CPA6: variants seen among roughly 807,000 people sequenced by gnomAD.
CPA6 encodes carboxypeptidase A6.
In CPA6, 58 loss-of-function variants were observed where a neutral mutation model predicts 63.3. That is an observed-to-expected ratio of 0.92 (90% CI 0.74 to 1.14). The LOEUF is 1.14. Among genes scored for constraint, CPA6 ranks in the 50% most tolerant of loss-of-function variants. The probability of loss-of-function intolerance (pLI) is 0.00; values close to 1 mark genes in which losing one functional copy is unlikely to be tolerated. For synonymous variants in CPA6, 185 were observed against 179.0 expected, an observed-to-expected ratio of 1.03 and a Z score of -0.27; for missense variants, 565 against 526.6, an observed-to-expected ratio of 1.07 and a Z score of -0.71.
chr8:67,623,650 C>T (rs747473365), intron 2 of CPA6, among the ~76,000 whole-genome samples: 1 of 152,064 alleles, frequency 6.6e-6, no homozygotes, highest in Non-Finnish European at 1.5e-5. Flanking sequence ...CCCAGGCTGG[C>T]CTTGAACTCC....
chr8:67,485,020 C>G (rs1330088766), intron 6 of CPA6, among the ~76,000 whole-genome samples: 1 of 152,196 alleles, frequency 6.6e-6, no homozygotes, highest in African/African-American at 2.4e-5. Context: ...ATCAGTTGGG[C>G]AGCCTCTTAA....
chr8:67,628,265 T>C (rs1815239031), intron 1 of CPA6, among the ~76,000 whole-genome samples: 2 of 152,114 alleles, frequency 1.3e-5, no homozygotes, highest in Admixed American at 1.3e-4. Context: ...ACCTCCCATA[T>C]TGATTGCCAT....
At chr8:67,494,181 A>T (rs1439839399) in intron 6 of CPA6, among the ~76,000 whole-genome samples, 1 of 152,128 alleles carries the variant, frequency 6.6e-6, no homozygotes, top group Non-Finnish European at 1.5e-5. Flanking sequence ...GATTTTGCAA[A>T]ATTGAATTAT....
intron 6 of CPA6, among the ~76,000 whole-genome samples, chr8:67,500,005 A>T (rs563115372): frequency 2.6e-5 from 4 of 152,280 alleles, no homozygotes; most frequent in African/African-American, 9.6e-5. Flanking sequence ...TCTCTGGGAT[A>T]AATGCCAGGA....
intron 5 of CPA6, among the ~76,000 whole-genome samples, chr8:67,509,024 G>A (rs1411836967): frequency 2.6e-5 from 4 of 152,126 alleles, no homozygotes; most frequent in Non-Finnish European, 5.9e-5. Flanking sequence ...AGCTTACATG[G>A]TGGAGCAGGA....
intron 1 of CPA6, among the ~76,000 whole-genome samples, chr8:67,702,045 A>T (rs1817036155): frequency 6.6e-6 from 1 of 152,134 alleles, no homozygotes; most frequent in African/African-American, 2.4e-5. Flanking sequence ...CCTCTCTAAA[A>T]GAATAATTGA....
chr8:67,559,448 A>G lies in CPA6; in HGVS notation c.193-41401T>C, dbSNP rs1424764177. On this transcript the variant is annotated intron_variant, in intron 2 of 10. Coordinates refer to ENST00000297770, the MANE Select transcript of CPA6 (RefSeq NM_020361.5). ...CTCAGGACAATGACACTAGCCTGCC[A>G]CACACCCCTGCACTATCCCATGGCC... is the stretch of plus-strand genomic sequence containing the variant. Among the ~76,000 whole-genome samples, 3 of 152,116 alleles carry G rather than the reference A, an allele frequency of 2.0e-5. No individual in the cohort carries two copies. In the East Asian group the frequency reaches 5.8e-4, roughly 29 times the overall value.
At chr8:67,508,045 G>GTT (rs1811968610) in intron 5 of CPA6, among the ~76,000 whole-genome samples, 1 of 148,414 alleles carries the variant, frequency 6.7e-6, no homozygotes, top group Non-Finnish European at 1.5e-5. Flanking sequence ...GTGTGTGTGT[G>GTT]TGTCTGTTTG....
At chr8:67,500,935 C>G (rs1811818809) in intron 6 of CPA6, among the ~76,000 whole-genome samples, 1 of 151,942 alleles carries the variant, frequency 6.6e-6, no homozygotes, top group African/African-American at 2.4e-5. Flanking sequence ...TATTCTTTCA[C>G]CAATACCACA....
At chr8:67,654,141 T>C (rs891232431) in intron 1 of CPA6, among the ~76,000 whole-genome samples, 1 of 152,232 alleles carries the variant, frequency 6.6e-6, no homozygotes, top group African/African-American at 2.4e-5. Context: ...GGATTCCATT[T>C]GCCAGTATTT....
intron 2 of CPA6, among the ~76,000 whole-genome samples, chr8:67,548,876 C>T (rs78276958): frequency 0.013 from 2,026 of 152,232 alleles, 40 homozygotes; most frequent in African/African-American, 0.046. Context: ...AGAGATTAGT[C>T]GAGTCAGGGT....
intron 1 of CPA6, among the ~76,000 whole-genome samples, chr8:67,722,929 T>TTACGAC (rs1301710809): frequency 2.0e-5 from 3 of 151,700 alleles, no homozygotes; most frequent in Admixed American, 2.0e-4. Flanking sequence ...CGCTCACAAA[T>TTACGAC]TACCACTACC....
At chr8:67,624,362 A>T (rs1724271303) in intron 1 of CPA6, 111 bp from the exon 2 acceptor site, 5 of 563,032 alleles carry the variant, frequency 8.9e-6, no homozygotes, top group Admixed American at 7.0e-5. Context: ...AAAAACAGTG[A>T]AACTTTTCAC....
At chr8:67,548,857 T>C (rs1161412193) in intron 2 of CPA6, among the ~76,000 whole-genome samples, 1 of 152,170 alleles carries the variant, frequency 6.6e-6, no homozygotes, top group South Asian at 2.1e-4. Flanking sequence ...TCCCAGATAC[T>C]GCAGTTCCAG....
intron 2 of CPA6, among the ~76,000 whole-genome samples, chr8:67,616,576 G>C (rs1222760693): frequency 6.7e-6 from 1 of 149,488 alleles, no homozygotes; most frequent in Non-Finnish European, 1.5e-5. Context: ...GGGAATAGAA[G>C]ATGTGGTGGA....
intron 1 of CPA6, among the ~76,000 whole-genome samples, chr8:67,724,074 A>T (rs1435124015): frequency 6.6e-6 from 1 of 152,202 alleles, no homozygotes; most frequent in Non-Finnish European, 1.5e-5. Flanking sequence ...ATGCAAAATT[A>T]AAAATTTAAA....
intron 1 of CPA6, among the ~76,000 whole-genome samples, chr8:67,725,675 T>G (rs528170783): frequency 6.6e-6 from 1 of 152,234 alleles, no homozygotes; most frequent in South Asian, 2.1e-4. Context: ...CTTGTGCCAC[T>G]GTGCCTGGGT....
Position 67,509,701 on chromosome 8 carries a change from C to T in CPA6, c.433-83G>A, listed in dbSNP as rs1015494944. On this transcript the variant is annotated intron_variant, in intron 4 of 10. Transcript: ENST00000297770. Reference sequence around the variant, plus strand: ...AGAACAAAAGGAAACAAAAAGACAACAGTAGTTCTCCGAATTCAAGGAGTG... The same window carrying T: ...AGAACAAAAGGAAACAAAAAGACAATAGTAGTTCTCCGAATTCAAGGAGTG... The T allele has an allele frequency of 2.0e-5, 13 of 652,874 alleles. No homozygotes were observed. In the African/African-American group the frequency reaches 2.1e-4, roughly 10 times the overall value. 40.4% of individuals were successfully genotyped at this position (652,874 alleles called of 1,614,324 possible). A position where few individuals can be genotyped will look rare whatever the true frequency, so the allele number is the denominator to read the frequency against.
chr8:67,742,135 TGTGTGTGTGCGC>T (rs1817924962), intron 1 of CPA6, among the ~76,000 whole-genome samples: 1 of 151,598 alleles, frequency 6.6e-6, no homozygotes, highest in Non-Finnish European at 1.5e-5. Context: ...CTTTTGTGTG[TGTGTGTGTGCGC>T]GTGTGTGTGT....
Sources: allele counts gnomAD v4.1 joint callset (sites outside exome capture counted in the v4.1 genomes callset), GRCh38; gene constraint gnomAD v4.1.1; transcripts MANE v1.5; gene names NCBI Gene and HGNC (gene_info 2026-07-23, HGNC 2026-07-21).